Variants in CHRM3 observed in about 807,000 individuals in gnomAD.
The protein encoded by CHRM3 is cholinergic receptor muscarinic 3.
Under a neutral mutation model 41.8 loss-of-function variants are expected in CHRM3, and 11 were observed. The observed-to-expected ratio is 0.26, with a 90% CI of 0.17 to 0.44. CHRM3 has a LOEUF of 0.44. Ranked by LOEUF, CHRM3 falls within the 20% of genes least tolerant of loss-of-function variation. CHRM3 has a pLI of 1.00. For synonymous variants in CHRM3, 297 were observed against 301.4 expected, an observed-to-expected ratio of 0.99 and a Z score of 0.15; for missense variants, 571 against 745.4, an observed-to-expected ratio of 0.77 and a Z score of 2.72.
At chr1:239,414,034 T>A (rs575772247) in intron 1 of CHRM3, among the ~76,000 whole-genome samples, 3 of 152,334 alleles carry the variant, frequency 2.0e-5, no homozygotes, top group East Asian at 3.9e-4. Flanking sequence ...AGTTTTAGAC[T>A]TCGCTAGGCC....
chr1:239,838,805 GT>G (rs1440941191), intron 6 of CHRM3, among the ~76,000 whole-genome samples: 2 of 152,188 alleles, frequency 1.3e-5, no homozygotes, highest in African/African-American at 4.8e-5. Flanking sequence ...ATTAGAATAG[GT>G]AAGGAAGAGA....
intron 5 of CHRM3, among the ~76,000 whole-genome samples, chr1:239,723,051 A>C (rs150831250): frequency 2.9e-4 from 44 of 152,046 alleles, no homozygotes; most frequent in African/African-American, 9.1e-4. Flanking sequence ...GAATTTTCTC[A>C]GTATCCTCTG....
chr1:239,702,616 C>A lies in CHRM3; in HGVS notation c.-147+24328C>A, dbSNP rs574914733. Among the ~76,000 whole-genome samples, 4 of 152,198 alleles carry A rather than the reference C, an allele frequency of 2.6e-5. No individual in the cohort carries two copies. The East Asian group carries it at 7.7e-4, about 29-fold the overall frequency. On this transcript the variant is annotated intron_variant, in intron 5 of 6. Coordinates refer to ENST00000676153, the MANE Select transcript of CHRM3 (RefSeq NM_001375978.1). ...AATTCACCTCTCACTTTGCTTTTTT[C>A]TTTTTCTTCAGACAGAGTCTCACTC...
At chr1:239,665,582 A>G (rs1426456623) in intron 4 of CHRM3, among the ~76,000 whole-genome samples, 1 of 152,114 alleles carries the variant, frequency 6.6e-6, no homozygotes, top group East Asian at 1.9e-4. Context: ...CAGGTTTGTT[A>G]CATAGGTATA....
chr1:239,633,777 C>T (rs1377653137), intron 4 of CHRM3, among the ~76,000 whole-genome samples: 1 of 147,520 alleles, frequency 6.8e-6, no homozygotes, highest in Non-Finnish European at 1.5e-5. Flanking sequence ...GATACTGGAG[C>T]AGGAAGATAA....
intron 4 of CHRM3, among the ~76,000 whole-genome samples, chr1:239,664,560 C>T (rs1268222041): frequency 1.3e-5 from 2 of 152,138 alleles, no homozygotes; most frequent in African/African-American, 4.8e-5. Flanking sequence ...AGAATCTCTC[C>T]TGGTGAGCCC....
intron 3 of CHRM3, among the ~76,000 whole-genome samples, chr1:239,547,772 A>G (rs914659943): frequency 6.6e-6 from 1 of 152,206 alleles, no homozygotes; most frequent in African/African-American, 2.4e-5. Context: ...GACTTTCATA[A>G]ATGTGCTCAA....
chr1:239,618,486 C>CA (rs1391859293), intron 3 of CHRM3, among the ~76,000 whole-genome samples: 2 of 150,946 alleles, frequency 1.3e-5, no homozygotes, highest in Non-Finnish European at 3.0e-5. Context: ...CCATTTAAAA[C>CA]AAAAACACAA....
At chr1:239,642,512 C>T (rs1671278992) in intron 4 of CHRM3, among the ~76,000 whole-genome samples, 2 of 152,138 alleles carry the variant, frequency 1.3e-5, no homozygotes, top group African/African-American at 2.4e-5. Context: ...TCATTTCATT[C>T]ATTTCATCTT....
intron 3 of CHRM3, among the ~76,000 whole-genome samples, chr1:239,587,241 A>T (rs751752151): frequency 1.3e-5 from 2 of 152,200 alleles, no homozygotes; most frequent in Non-Finnish European, 2.9e-5. Flanking sequence ...AGATCCACGT[A>T]CTTGCCACAG....
chr1:239,797,671 A>G (rs1160424150), intron 5 of CHRM3, among the ~76,000 whole-genome samples: 1 of 152,192 alleles, frequency 6.6e-6, no homozygotes, highest in Non-Finnish European at 1.5e-5. Flanking sequence ...GTTGTCATCT[A>G]AGAGTGAGGT....
At chr1:239,845,721 A>G (rs1447274690) in intron 6 of CHRM3, among the ~76,000 whole-genome samples, 1 of 152,262 alleles carries the variant, frequency 6.6e-6, no homozygotes, top group Non-Finnish European at 1.5e-5. Flanking sequence ...CTAAAGAACA[A>G]CAAAACAACT....
At chr1:239,481,562 C>T (rs1409211726) in intron 1 of CHRM3, among the ~76,000 whole-genome samples, 3 of 151,924 alleles carry the variant, frequency 2.0e-5, no homozygotes, top group Non-Finnish European at 2.9e-5. Context: ...TGCACAATTC[C>T]CTGATAGGTA....
At position 239,864,438 on chromosome 1, in the gene CHRM3, C is replaced by T. The variant is rs566115402; in HGVS notation, c.-20+37060C>T. Among the ~76,000 whole-genome samples, 26 of 151,912 alleles carry T rather than the reference C, an allele frequency of 1.7e-4. 1 individual carries two copies. In the South Asian group the frequency reaches 5.2e-3, roughly 30 times the overall value. On this transcript the variant is annotated intron_variant, in intron 6 of 6. Coordinates refer to ENST00000676153, the MANE Select transcript of CHRM3 (RefSeq NM_001375978.1). ...AGGAGAATCGCTTGAATCTGGGAGGCGGAGGTTGCGGTGAGCCGAGATCGT... is the reference window on the plus strand; with the variant it reads ...AGGAGAATCGCTTGAATCTGGGAGGTGGAGGTTGCGGTGAGCCGAGATCGT...
chr1:239,824,023 G>T (rs1672258795), intron 5 of CHRM3, among the ~76,000 whole-genome samples: 1 of 151,970 alleles, frequency 6.6e-6, no homozygotes, highest in South Asian at 2.1e-4. Flanking sequence ...TGTGCCTGTG[G>T]CTGTGACTCG....
intron 1 of CHRM3, among the ~76,000 whole-genome samples, chr1:239,472,140 G>C (rs1666171995): frequency 6.6e-6 from 1 of 152,170 alleles, no homozygotes. Context: ...TAGCCTCAAA[G>C]AACAGGGAAG....
intron 5 of CHRM3, among the ~76,000 whole-genome samples, chr1:239,711,028 C>T (rs1280339448): frequency 1.3e-5 from 2 of 152,152 alleles, no homozygotes; most frequent in East Asian, 1.9e-4. Context: ...AAAAATGCCA[C>T]CTCCCCACAA....
chr1:239,680,179 T>C (rs985626076), intron 5 of CHRM3, among the ~76,000 whole-genome samples: 18 of 152,126 alleles, frequency 1.2e-4, no homozygotes, highest in Non-Finnish European at 7.3e-5. Flanking sequence ...GTTCAATCCG[T>C]GCTTCATCCA....
intron 6 of CHRM3, among the ~76,000 whole-genome samples, chr1:239,902,632 T>G (rs1160684400): frequency 6.6e-6 from 1 of 152,170 alleles, no homozygotes; most frequent in Non-Finnish European, 1.5e-5. Flanking sequence ...AATTTCTGCT[T>G]CCCATTCAAA....
Sources: gnomAD v4.1 joint callset for allele counts (sites outside exome capture counted in the v4.1 genomes callset) on GRCh38, gnomAD v4.1.1 for gene constraint, MANE v1.5 for transcripts, NCBI Gene and HGNC (gene_info 2026-07-23, HGNC 2026-07-21) for gene names.